SMPD4: variants seen among roughly 807,000 people sequenced by gnomAD.
SMPD4 encodes the protein neutral sphingomyelinase 3.
A neutral mutation model predicts 97.8 loss-of-function variants in SMPD4; 58 were observed. The ratio of observed to expected loss-of-function variants is 0.59; its 90% CI spans 0.48 to 0.74. The LOEUF is 0.74. Ranked by LOEUF, SMPD4 falls within the 30% of genes least tolerant of loss-of-function variation. The probability of loss-of-function intolerance (pLI) is 0.00; values close to 1 mark genes in which losing one functional copy is unlikely to be tolerated. For missense variants in SMPD4, 853 were observed against 1,080.5 expected (o/e 0.79, Z 2.95); for synonymous variants, 388 against 450.0 (o/e 0.86, Z 1.74).
At chr2:130,159,910 G>A (rs925724712) in intron 11 of SMPD4, among the ~76,000 whole-genome samples, 1 of 152,148 alleles carries the variant, frequency 6.6e-6, no homozygotes, top group Non-Finnish European at 1.5e-5. Flanking sequence ...TGGTCCTTCC[G>A]AAGGGTCTGG....
At chr2:130,173,914 G>T (rs1267433616) in intron 3 of SMPD4, among the ~76,000 whole-genome samples, 1 of 150,760 alleles carries the variant, frequency 6.6e-6, no homozygotes, top group Non-Finnish European at 1.5e-5. Flanking sequence ...GTCAGCCTCC[G>T]ATCAAAATAC....
In SMPD4 at chr2:130,158,880, C is replaced by T. The variant is rs981153534; in HGVS notation, c.952-1484G>A. Among the ~76,000 whole-genome samples the T allele has an allele frequency of 2.0e-5, 3 of 152,304 alleles. No homozygotes were observed. In the South Asian group the frequency reaches 6.2e-4, roughly 32 times the overall value. On this transcript the variant is annotated intron_variant, in intron 11 of 19. Transcript: ENST00000680298. Reference sequence around the variant, plus strand: ...ATCCTGGTATGCTGTAGACCCCGCACGGGCCACTGCCCATATCGCTACCCA... The same window carrying T: ...ATCCTGGTATGCTGTAGACCCCGCATGGGCCACTGCCCATATCGCTACCCA...
intron 10 of SMPD4, among the ~76,000 whole-genome samples, 172 bp downstream of exon 10, chr2:130,164,202 C>T (rs1037393413): frequency 2.0e-5 from 3 of 152,162 alleles, no homozygotes; most frequent in Non-Finnish European, 4.4e-5. Context: ...CTGCCCGCCA[C>T]CGGAAACTAG....
At chr2:130,175,844 G>A (rs555506614) in intron 2 of SMPD4, among the ~76,000 whole-genome samples, 49 of 152,318 alleles carry the variant, frequency 3.2e-4, no homozygotes, top group African/African-American at 9.1e-4. Flanking sequence ...GAGCTATCTG[G>A]CCATGGGCCA....
chr2:130,181,706 G>C (rs557873280), upstream of SMPD4: 26 of 1,548,512 alleles, frequency 1.7e-5, no homozygotes, highest in East Asian at 6.1e-4. Context: ...GGCCGGCCGG[G>C]CGGGGAAGAG....
chr2:130,158,344 G>C, intron 11 of SMPD4: 1 of 827,340 alleles, frequency 1.2e-6, no homozygotes, highest in South Asian at 1.7e-5. Flanking sequence ...TTGAGACAAC[G>C]TCTCCCTCTG....
At chr2:130,175,995 AT>A (rs527414043) in intron 2 of SMPD4, among the ~76,000 whole-genome samples, 1 of 150,214 alleles carries the variant, frequency 6.7e-6, no homozygotes, top group East Asian at 1.9e-4. Flanking sequence ...TCTCAGTATC[AT>A]TTTTTTTTCC....
At chr2:130,154,253 G>A (rs1686534855) in intron 16 of SMPD4, 24 bp downstream of exon 16, 4 of 1,563,638 alleles carry the variant, frequency 2.6e-6, no homozygotes, top group Admixed American at 3.5e-5. Context: ...GGGCCCTGAG[G>A]ACAGGCACCG....
chr2:130,169,779 T>C (rs1351537635), intron 8 of SMPD4, among the ~76,000 whole-genome samples: 1 of 152,150 alleles, frequency 6.6e-6, no homozygotes, highest in African/African-American at 2.4e-5. Flanking sequence ...CTCGAATTCC[T>C]GGCCTCAAGT....
chr2:130,160,535 C>T (rs147662998), intron 11 of SMPD4, among the ~76,000 whole-genome samples: 1 of 152,350 alleles, frequency 6.6e-6, no homozygotes, highest in East Asian at 1.9e-4. Context: ...GCAGCTGCAA[C>T]CTCTATGAGG....
At chr2:130,181,126 C>T (rs2104944212) in intron 1 of SMPD4, among the ~76,000 whole-genome samples, 1 of 152,318 alleles carries the variant, frequency 6.6e-6, no homozygotes, top group East Asian at 1.9e-4. Context: ...GCTTCGGGAG[C>T]CTCCAAAACC....
chr2:130,173,685 C>A, intron 3 of SMPD4, 29 bp from the exon 4 acceptor site: 1 of 1,613,224 alleles, frequency 6.2e-7, no homozygotes, highest in Non-Finnish European at 8.5e-7. Context: ...AAGCCGCGTG[C>A]AGGACCAGCA....
intron 8 of SMPD4, among the ~76,000 whole-genome samples, chr2:130,168,987 C>T (rs1688187844): frequency 6.6e-6 from 1 of 152,146 alleles, no homozygotes; most frequent in Non-Finnish European, 1.5e-5. Context: ...TCTCAAAGTC[C>T]TGGAATTACA....
chr2:130,176,386 G>A (rs930017387), intron 2 of SMPD4, among the ~76,000 whole-genome samples, 168 bp downstream of exon 2: 4 of 152,212 alleles, frequency 2.6e-5, no homozygotes, highest in East Asian at 1.9e-4. Context: ...CCAAGGTCCT[G>A]TAGTAATAAG....
rs1433248479 is a variant in SMPD4, at chr2:130,172,365, G to C, written c.643C>G (p.Pro215Ala). ...PLSSSPGGTSPSPPPRTPAIP... is the reference protein window; with the variant it reads ...PLSSSPGGTSASPPPRTPAIP... ...CAGCCTTACCTGGGAGGTGGTGAGG[G>C]GCTGGTCCCCCCTGGGCTGGAGGAG... Residue 215 changes from proline (P) to alanine (A), a missense_variant, in exon 8 of 20, where the codon CCC (proline) becomes GCC (alanine). Physicochemically the swap from Pro to Ala is conservative, Grantham distance 27. This residue lies in a region of SMPD4 where 313 missense variants were observed against 402.2 expected (regional missense o/e 0.78). Coordinates refer to ENST00000680298, the MANE Select transcript of SMPD4 (RefSeq NM_017951.5). 2 of 1,598,022 alleles carry C rather than the reference G, an allele frequency of 1.3e-6. No individual in the cohort carries two copies. The highest frequency in any genetic ancestry group is 1.7e-6 in the Non-Finnish European group (2 of 1,171,716).
At position 130,154,456 on chromosome 2, in the gene SMPD4, G is replaced by C. The variant is rs781009026; in HGVS notation, c.1480C>G (p.Leu494Val). The change falls in exon 16 of 20, where the codon CTG becomes GTG. Residue 494 changes from leucine to valine, a missense_variant. Leu to Val is a conservative substitution (Grantham distance 32). Transcript: ENST00000680298. The part of the protein sequence containing the change: ...KGEQLFLEPE[L>V]VIPHRQHRLF... ...CGGTGCTGGCGGTGGGGGATGACCA[G>C]CTCTGGCTCCAGGAATAGCTGCTCA... 3 of 1,558,070 alleles carry C rather than the reference G, an allele frequency of 1.9e-6. No individual in the cohort carries two copies. The highest frequency in any genetic ancestry group is 2.4e-5 in the South Asian group (2 of 85,002).
intron 11 of SMPD4, among the ~76,000 whole-genome samples, chr2:130,160,957 C>CA (rs1687341578): frequency 1.3e-5 from 2 of 152,198 alleles, no homozygotes; most frequent in African/African-American, 2.4e-5. Flanking sequence ...CACATGCCCA[C>CA]ATGCCTCGTT....
chr2:130,180,364 G>C (rs534919157), intron 1 of SMPD4, among the ~76,000 whole-genome samples: 2 of 150,720 alleles, frequency 1.3e-5, no homozygotes, highest in Admixed American at 6.6e-5. Flanking sequence ...CCTCCGCCTC[G>C]CGGGTGCAAG....
Position 130,153,317 on chromosome 2 carries a change from A to C in SMPD4, c.2025+2T>G. 6.2e-7 allele frequency: 1 copy of C among 1,613,602 alleles called. No individual in the cohort carries two copies. Among genetic ancestry groups the C allele is most frequent in the Non-Finnish European group, 8.5e-7 (1 of 1,179,976 alleles). ...TGCGCCTCTGAGACACGGGCCTCTCACCTGGTACCGCCCCAGGGGCGTAAG... is the reference window on the plus strand; with the variant it reads ...TGCGCCTCTGAGACACGGGCCTCTCCCCTGGTACCGCCCCAGGGGCGTAAG... On this transcript the variant is annotated splice_donor_variant, in intron 18 of 19. Transcript: ENST00000680298. LOFTEE classifies it high-confidence loss of function.
Sources: gnomAD v4.1 joint callset for allele counts (sites outside exome capture counted in the v4.1 genomes callset) on GRCh38, gnomAD v4.1.1 for gene constraint, gnomAD v4.1.1 regional missense constraint, MANE v1.5 for transcripts, NCBI Gene and HGNC (gene_info 2026-07-23, HGNC 2026-07-21) for gene names.